The following RAB40C variants were observed in gnomAD, a reference collection of about 807,000 sequenced individuals.
The protein encoded by RAB40C is RAB40C, member RAS oncogene family.
RAB40C carries 8 observed loss-of-function variants against 28.1 expected under a neutral mutation model. That is an observed-to-expected ratio of 0.28 (90% CI 0.17 to 0.51). The LOEUF is 0.51. RAB40C is among the 20% of genes least tolerant of loss of function. The pLI is 0.97. For synonymous variants in RAB40C, 201 were observed against 171.7 expected (o/e 1.17, Z -1.34); for missense variants, 288 against 405.9 (o/e 0.71, Z 2.50).
In RAB40C at chr16:618,287, G is replaced by T. The variant is rs370234444; in HGVS notation, c.264+27G>T. ...TAAGACCAGCACCGCTCTTTCCATT[G>T]CTTTTCAAAGGATGTTTCTCCTGAT... On this transcript the variant is annotated intron_variant, in intron 3 of 5. Transcript: ENST00000248139. 3 of 1,580,502 alleles carry T rather than the reference G, an allele frequency of 1.9e-6. No individual in the cohort carries two copies. The African/African-American group carries it at 4.1e-5, about 22-fold the overall frequency.
rs1374571712 is a variant in RAB40C, at chr16:590,175, C to T, written c.-117C>T. Reference sequence around the variant, plus strand: ...GCGCTGGGCTTCGGGCGCGCCCACTCGGCCGCCGTGGGGCGGACGCAACGG... The same window carrying T: ...GCGCTGGGCTTCGGGCGCGCCCACTTGGCCGCCGTGGGGCGGACGCAACGG... On this transcript the variant is annotated 5_prime_UTR_variant, in exon 1 of 6. Transcript: ENST00000248139. 48 of 743,522 alleles carry T rather than the reference C, an allele frequency of 6.5e-5. No individual in the cohort carries two copies. The highest frequency in any genetic ancestry group is 7.7e-5 in the Non-Finnish European group (47 of 606,762). 46.1% of individuals were successfully genotyped at this position (743,522 alleles called of 1,614,324 possible).
At chr16:606,184 C>T (rs2036358163) in intron 1 of RAB40C, among the ~76,000 whole-genome samples, 1 of 116,952 alleles carries the variant, frequency 8.6e-6, no homozygotes, top group South Asian at 3.5e-4. Context: ...TCCTCTCGGT[C>T]CTCAGTCCAG....
intron 3 of RAB40C, chr16:624,685 T>C (rs1028856019): frequency 2.8e-5 from 28 of 985,326 alleles, no homozygotes; most frequent in Non-Finnish European, 3.4e-5. Flanking sequence ...TCACAGCTCA[T>C]TGGCTGGATC....
At chr16:623,400 A>G (rs1160338357) in intron 3 of RAB40C, among the ~76,000 whole-genome samples, 17 of 152,166 alleles carry the variant, frequency 1.1e-4, no homozygotes, top group Admixed American at 1.0e-3. Flanking sequence ...CTGTCATCCC[A>G]GCACTTTGGG....
intron 1 of RAB40C, among the ~76,000 whole-genome samples, chr16:603,574 A>C (rs1402161138): frequency 6.6e-6 from 1 of 152,204 alleles, no homozygotes; most frequent in Non-Finnish European, 1.5e-5. Flanking sequence ...CTCCAAATTC[A>C]AAGCAGATCA....
At chr16:620,145 A>T (rs367961112) in intron 3 of RAB40C, among the ~76,000 whole-genome samples, 60 of 152,244 alleles carry the variant, frequency 3.9e-4, no homozygotes, top group African/African-American at 1.2e-3. Flanking sequence ...CTGTAATCCC[A>T]GCACTTTGGG....
At position 610,021 on chromosome 16, in the gene RAB40C, G is replaced by A. The variant is rs1306574370; in HGVS notation, c.143-7187G>A. Among the ~76,000 whole-genome samples, 3 of 152,170 alleles carry A rather than the reference G, an allele frequency of 2.0e-5. No individual in the cohort carries two copies. Among genetic ancestry groups the A allele is most frequent in the Non-Finnish European group, 4.4e-5 (3 of 68,020 alleles). On this transcript the variant is annotated intron_variant, in intron 1 of 5. Coordinates refer to ENST00000248139, the MANE Select transcript of RAB40C (RefSeq NM_021168.5). The surrounding 1 kb of genome is among the most constrained non-coding windows in gnomAD (Gnocchi z 4.6). ...CCCACGGGAGGGTGGGGATGTGAAC[G>A]GCACCAGCCTGGTGGCTCGGGTGCC...
intron 1 of RAB40C, among the ~76,000 whole-genome samples, chr16:616,425 A>T (rs1260474385): frequency 6.6e-6 from 1 of 151,352 alleles, no homozygotes; most frequent in Non-Finnish European, 1.5e-5. Flanking sequence ...TGCAACCTCC[A>T]CCTCCCAGCT....
At position 603,376 on chromosome 16, in the gene RAB40C, G is replaced by A. The variant is rs142783063; in HGVS notation, c.142+12943G>A. Among the ~76,000 whole-genome samples the A allele has an allele frequency of 1.9e-3, 288 of 152,332 alleles. 1 individual carries two copies. The highest frequency in any genetic ancestry group is 6.8e-3 in the Middle Eastern group (2 of 294). ...TTTGCCTGCAGTGGGGTTGGTGGACGTGGGCTGTCCTTGTCTCAGAAGACA... is the reference window on the plus strand; with the variant it reads ...TTTGCCTGCAGTGGGGTTGGTGGACATGGGCTGTCCTTGTCTCAGAAGACA... On this transcript the variant is annotated intron_variant, in intron 1 of 5. Coordinates refer to ENST00000248139, the MANE Select transcript of RAB40C (RefSeq NM_021168.5).
At chr16:619,905 G>A (rs1596414044) in intron 3 of RAB40C, among the ~76,000 whole-genome samples, 1 of 152,238 alleles carries the variant, frequency 6.6e-6, no homozygotes, top group Admixed American at 6.5e-5. Context: ...TGGGAAGGAC[G>A]CCAGGGCGGG....
At chr16:595,864 G>A (rs1189748516) in intron 1 of RAB40C, among the ~76,000 whole-genome samples, 2 of 152,192 alleles carry the variant, frequency 1.3e-5, no homozygotes, top group Non-Finnish European at 2.9e-5. Context: ...GCCTCCCAAA[G>A]TGCTGGGATT....
At chr16:625,124 A>C in intron 3 of RAB40C, 1 of 1,339,804 alleles carries the variant, frequency 7.5e-7, no homozygotes, top group Non-Finnish European at 9.8e-7. Context: ...CCCGGCTGCC[A>C]GAACCCCGCA....
chr16:617,688 C>G (rs577182263), intron 2 of RAB40C, among the ~76,000 whole-genome samples: 1 of 152,210 alleles, frequency 6.6e-6, no homozygotes, highest in East Asian at 1.9e-4. Context: ...ACTAAAAATA[C>G]AAAAATTAGC....
At chr16:605,314 A>G (rs1187493486) in intron 1 of RAB40C, among the ~76,000 whole-genome samples, 3 of 152,246 alleles carry the variant, frequency 2.0e-5, no homozygotes. Context: ...CATCTTTGCC[A>G]ACATTTGATG....
At chr16:621,172 G>A (rs1188660180) in intron 3 of RAB40C, among the ~76,000 whole-genome samples, 5 of 152,196 alleles carry the variant, frequency 3.3e-5, no homozygotes, top group African/African-American at 1.2e-4. Flanking sequence ...TCCTTGCCCC[G>A]GGAGAAGCAC....
chr16:604,926 G>C (rs762575664), intron 1 of RAB40C, among the ~76,000 whole-genome samples: 22 of 152,088 alleles, frequency 1.4e-4, no homozygotes, highest in Non-Finnish European at 2.9e-4. Context: ...TGGTGTGGTG[G>C]TGGTGCTTGT....
intron 1 of RAB40C, among the ~76,000 whole-genome samples, chr16:609,457 G>A (rs1184751596): frequency 6.6e-6 from 1 of 152,114 alleles, no homozygotes; most frequent in African/African-American, 2.4e-5. Context: ...ATAACCGTCA[G>A]CCCAAAAGAA....
In RAB40C at chr16:625,423, C is replaced by A; in HGVS notation, c.265-9C>A. The A allele has an allele frequency of 6.2e-7, 1 of 1,613,078 alleles. No homozygotes were observed. Among genetic ancestry groups the A allele is most frequent in the East Asian group, 2.2e-5 (1 of 44,864 alleles). On this transcript the variant is annotated splice_polypyrimidine_tract_variant and intron_variant, in intron 3 of 5. Transcript: ENST00000248139. ...GTGACCCCTGATGACCCCCAAGTCT[C>A]TGTTGCAGGGGATCCTCTTGGTGTA... is the stretch of plus-strand genomic sequence containing the variant.
intron 1 of RAB40C, among the ~76,000 whole-genome samples, chr16:615,453 T>G (rs1203008273): frequency 2.6e-5 from 4 of 152,114 alleles, no homozygotes; most frequent in Non-Finnish European, 2.9e-5. Flanking sequence ...TCCAAGCCCC[T>G]TGGAGAAAGT....
Sources: allele counts gnomAD v4.1 joint callset (sites outside exome capture counted in the v4.1 genomes callset), GRCh38; gene constraint gnomAD v4.1.1; non-coding constraint Gnocchi (gnomAD v3.1); transcripts MANE v1.5; gene names NCBI Gene and HGNC (gene_info 2026-07-23, HGNC 2026-07-21).